Variants in LRRTM4 observed in about 807,000 individuals in gnomAD.
LRRTM4 encodes leucine-rich repeat transmembrane neuronal protein 4.
Under a neutral mutation model 47.6 loss-of-function variants are expected in LRRTM4, and 25 were observed. The ratio of observed to expected loss-of-function variants is 0.53; its 90% CI spans 0.38 to 0.73. LRRTM4 has a LOEUF of 0.73. Ranked by LOEUF, LRRTM4 falls within the 30% of genes least tolerant of loss-of-function variation. The probability of loss-of-function intolerance (pLI) is 0.00; values close to 1 mark genes in which losing one functional copy is unlikely to be tolerated. For missense variants in LRRTM4, 638 were observed against 713.4 expected (o/e 0.89, Z 1.20); for synonymous variants, 311 against 269.5 (o/e 1.15, Z -1.51).
intron 3 of LRRTM4, among the ~76,000 whole-genome samples, chr2:77,143,898 TAC>T (rs1380091055): frequency 6.6e-6 from 1 of 152,218 alleles, no homozygotes; most frequent in Non-Finnish European, 1.5e-5. Context: ...TTAATGAGTT[TAC>T]ACACAGACAA....
chr2:77,244,635 T>A (rs1398263866), intron 3 of LRRTM4, among the ~76,000 whole-genome samples: 2 of 151,730 alleles, frequency 1.3e-5, no homozygotes, highest in Admixed American at 1.3e-4. Context: ...CCCCCATGAG[T>A]GTAGGCTAGA....
chr2:76,787,006 C>G (rs1674707913), intron 3 of LRRTM4, among the ~76,000 whole-genome samples: 1 of 151,788 alleles, frequency 6.6e-6, no homozygotes, highest in Non-Finnish European at 1.5e-5. Flanking sequence ...GGTCAGGTGA[C>G]TTGTGGAACA....
chr2:77,477,462 T>C (rs766293673), intron 3 of LRRTM4, among the ~76,000 whole-genome samples: 6 of 152,170 alleles, frequency 3.9e-5, no homozygotes, highest in Admixed American at 1.3e-4. Context: ...GTTCCATTTA[T>C]CTTCCTTTTA....
chr2:76,993,975 A>C (rs949913732), intron 3 of LRRTM4, among the ~76,000 whole-genome samples: 1 of 151,966 alleles, frequency 6.6e-6, no homozygotes, highest in African/African-American at 2.4e-5. Flanking sequence ...ATGCAGCTAA[A>C]GGCCATTATC....
At chr2:77,264,488 G>T (rs1676000577) in intron 3 of LRRTM4, among the ~76,000 whole-genome samples, 1 of 151,954 alleles carries the variant, frequency 6.6e-6, no homozygotes, top group Non-Finnish European at 1.5e-5. Context: ...CCATACTGGG[G>T]GTTAGGGCTT....
intron 3 of LRRTM4, among the ~76,000 whole-genome samples, chr2:77,041,931 G>C (rs77784477): frequency 8.6e-5 from 13 of 150,428 alleles, no homozygotes; most frequent in Admixed American, 7.3e-4. Context: ...GGAATAAAGA[G>C]AATCATCTGA....
At chr2:77,090,709 T>A (rs371903714) in intron 3 of LRRTM4, among the ~76,000 whole-genome samples, 20 of 152,232 alleles carry the variant, frequency 1.3e-4, no homozygotes, top group African/African-American at 4.8e-4. Context: ...GGATTCCTCC[T>A]AAGTCATGTC....
intron 3 of LRRTM4, among the ~76,000 whole-genome samples, chr2:76,807,413 TATATATATATAC>T (rs1670528183): frequency 1.1e-5 from 1 of 95,032 alleles, no homozygotes; most frequent in Non-Finnish European, 2.0e-5. Context: ...TATACGTATA[TATATATATATAC>T]ATATATATAT....
At chr2:77,490,704 G>T (rs75007639) in intron 3 of LRRTM4, among the ~76,000 whole-genome samples, 7 of 152,062 alleles carry the variant, frequency 4.6e-5, no homozygotes, top group Non-Finnish European at 7.4e-5. Flanking sequence ...TTTGAACTGC[G>T]TCTGAAAGCA....
intron 3 of LRRTM4, among the ~76,000 whole-genome samples, chr2:77,049,155 TATAC>T (rs1553377464): frequency 1.7e-4 from 21 of 125,772 alleles, no homozygotes; most frequent in African/African-American, 6.5e-4. Context: ...TATATATATA[TATAC>T]ACACACACAC....
At chr2:77,300,647 T>G (rs1163320689) in intron 3 of LRRTM4, among the ~76,000 whole-genome samples, 2 of 152,170 alleles carry the variant, frequency 1.3e-5, no homozygotes, top group Non-Finnish European at 2.9e-5. Context: ...TAATATAACA[T>G]GCAAGCATAT....
rs1466586979 is a variant in LRRTM4 at position 77,519,848 on chromosome 2, C to T, written c.21G>A (p.Thr7=). ...GCACCACACTCATGCCTTTCAGCTGCGTAATTAAATGGAAACCTACGATAT... is the reference window on the plus strand; with the variant it reads ...GCACCACACTCATGCCTTTCAGCTGTGTAATTAAATGGAAACCTACGATAT... MGFHLI[T]QLKGMSVVLV... Residue 7 remains threonine, a synonymous_variant, in exon 3 of 4, where the codon ACG becomes ACA. Transcript: ENST00000409884. The surrounding 1 kb of genome is among the most constrained non-coding windows in gnomAD (Gnocchi z 4.6). The T allele has an allele frequency of 5.6e-6, 9 of 1,598,566 alleles. No individual in the cohort carries two copies. Among genetic ancestry groups the T allele is most frequent in the East Asian group, 2.3e-5 (1 of 44,390 alleles).
At chr2:76,782,241 C>CT (rs899222906) in intron 3 of LRRTM4, among the ~76,000 whole-genome samples, 2 of 152,160 alleles carry the variant, frequency 1.3e-5, no homozygotes, top group African/African-American at 2.4e-5. Flanking sequence ...ATTTCCTTTC[C>CT]TTTTTTTACA....
chr2:77,414,658 C>A (rs147381068), intron 3 of LRRTM4, among the ~76,000 whole-genome samples: 140 of 152,234 alleles, frequency 9.2e-4, no homozygotes, highest in African/African-American at 3.3e-3. Context: ...TTGTTCTTAC[C>A]CAACCACACT....
intron 3 of LRRTM4, among the ~76,000 whole-genome samples, chr2:76,905,085 C>A (rs1673778417): frequency 6.6e-6 from 1 of 152,150 alleles, no homozygotes; most frequent in African/African-American, 2.4e-5. Context: ...AGCAGCCTAA[C>A]TAGGAGGCAC....
chr2:77,414,428 C>T (rs1029407692), intron 3 of LRRTM4, among the ~76,000 whole-genome samples: 1 of 152,156 alleles, frequency 6.6e-6, no homozygotes, highest in Non-Finnish European at 1.5e-5. Flanking sequence ...CCTTCCCCTG[C>T]CCTCTCCCCA....
intron 3 of LRRTM4, among the ~76,000 whole-genome samples, chr2:77,194,056 G>A (rs1021926798): frequency 1.3e-5 from 2 of 152,102 alleles, no homozygotes; most frequent in Non-Finnish European, 1.5e-5. Flanking sequence ...GTCATCTTTT[G>A]CTTTGATGGT....
intron 3 of LRRTM4, among the ~76,000 whole-genome samples, chr2:77,151,181 T>G (rs1672409345): frequency 6.7e-6 from 1 of 149,078 alleles, no homozygotes; most frequent in Non-Finnish European, 1.5e-5. Flanking sequence ...TAAGAATACT[T>G]AACATGAGAT....
intron 3 of LRRTM4, among the ~76,000 whole-genome samples, chr2:76,807,949 C>CTTTCTTTCTT (rs1553412845): frequency 5.3e-4 from 74 of 139,938 alleles, no homozygotes; most frequent in African/African-American, 1.4e-3. Context: ...TTCTTTCTTT[C>CTTTCTTTCTT]TTTCTTTTTC....
Sources: gnomAD v4.1 joint callset for allele counts (sites outside exome capture counted in the v4.1 genomes callset) on GRCh38, gnomAD v4.1.1 for gene constraint, Gnocchi (gnomAD v3.1) non-coding constraint, MANE v1.5 for transcripts, NCBI Gene and HGNC (gene_info 2026-07-23, HGNC 2026-07-21) for gene names.